Variants in REEP5 observed in about 807,000 individuals in gnomAD.
The protein encoded by REEP5 is receptor accessory protein 5.
A neutral mutation model predicts 22.4 loss-of-function variants in REEP5; 24 were observed. The observed-to-expected ratio is 1.07, with a 90% CI of 0.78 to 1.51. REEP5 has a LOEUF of 1.51. Ranked by LOEUF, REEP5 falls within the 40% of genes most tolerant of loss-of-function variation. The probability of loss-of-function intolerance (pLI) is 0.00; values close to 1 mark genes in which losing one functional copy is unlikely to be tolerated. For missense variants in REEP5, 252 were observed against 233.0 expected, an observed-to-expected ratio of 1.08 and a Z score of -0.53; for synonymous variants, 103 against 88.6, an observed-to-expected ratio of 1.16 and a Z score of -0.92.
At chr5:112,891,769 A>C in intron 3 of REEP5, 1 of 1,613,874 alleles carries the variant, frequency 6.2e-7, no homozygotes, top group East Asian at 2.2e-5. Context: ...TGCTCGACTG[A>C]GAGACTCAGG....
intron 3 of REEP5, chr5:112,891,754 G>C (rs773520400): frequency 1.2e-6 from 2 of 1,613,998 alleles, no homozygotes; most frequent in African/African-American, 2.7e-5. Flanking sequence ...ACGTCGGCAG[G>C]AACTTGCTCG....
At chr5:112,896,036 G>A (rs1317056979) in intron 3 of REEP5, 1 of 152,616 alleles carries the variant, frequency 6.6e-6, no homozygotes, top group Non-Finnish European at 1.5e-5. Context: ...TCCCCCAGAA[G>A]AGATATTTCC....
intron 3 of REEP5, among the ~76,000 whole-genome samples, chr5:112,888,558 TGAC>T (rs778852151): frequency 0.021 from 3,093 of 149,112 alleles, 111 homozygotes; most frequent in East Asian, 0.1. Flanking sequence ...TAGCTGGGAA[TGAC>T]TGCAGGCATG....
chr5:112,900,266 T>C (rs1642222143), intron 3 of REEP5, among the ~76,000 whole-genome samples: 1 of 152,252 alleles, frequency 6.6e-6, no homozygotes, highest in South Asian at 2.1e-4. Flanking sequence ...TAAATCTATC[T>C]TCCTAGTCTG....
chr5:112,898,585 T>G (rs1010764357), intron 3 of REEP5, among the ~76,000 whole-genome samples: 6 of 152,176 alleles, frequency 3.9e-5, no homozygotes, highest in Non-Finnish European at 8.8e-5. Flanking sequence ...TGCTCACATT[T>G]GGAAGTCTGA....
At position 112,892,616 on chromosome 5, in the gene REEP5, C is replaced by G. The variant is rs539002159; in HGVS notation, c.352-5433G>C. On this transcript the variant is annotated intron_variant, in intron 3 of 4. Transcript: ENST00000379638. Reference sequence around the variant, plus strand: ...GGTTTATTTGAAATACAACAATGTCCAAGAGGAAAACACTGCAACTTTCTT... The same window carrying G: ...GGTTTATTTGAAATACAACAATGTCGAAGAGGAAAACACTGCAACTTTCTT... 11 of 1,614,076 alleles carry G rather than the reference C, an allele frequency of 6.8e-6. No homozygotes were observed. In the African/African-American group the frequency reaches 1.2e-4, roughly 18 times the overall value.
intron 2 of REEP5, among the ~76,000 whole-genome samples, chr5:112,902,774 C>A (rs990303122): frequency 3.9e-5 from 6 of 152,134 alleles, no homozygotes; most frequent in Non-Finnish European, 1.5e-5. Flanking sequence ...GGATCTCCAC[C>A]CTGCCAAAGC....
rs763106827 is a variant in REEP5 at position 112,893,028 on chromosome 5, G to C, written c.352-5845C>G. 3 of 1,522,484 alleles carry C rather than the reference G, an allele frequency of 2.0e-6. No homozygotes were observed. The South Asian group carries it at 3.4e-5, about 17-fold the overall frequency. 94.3% of individuals were successfully genotyped at this position (1,522,484 alleles called of 1,614,324 possible). Reference sequence around the variant, plus strand: ...CCTCTAGGTGCCGAAGTCGTGGGAGGAGGAAGTCGGGTAATAGAGACAGAA... The same window carrying C: ...CCTCTAGGTGCCGAAGTCGTGGGAGCAGGAAGTCGGGTAATAGAGACAGAA... On this transcript the variant is annotated intron_variant, in intron 3 of 4. Transcript: ENST00000379638.
intron 2 of REEP5, among the ~76,000 whole-genome samples, 195 bp from the exon 3 acceptor site, chr5:112,902,713 G>A (rs774873901): frequency 1.3e-5 from 2 of 152,086 alleles, no homozygotes; most frequent in Non-Finnish European, 2.9e-5. Flanking sequence ...ATAACCACTT[G>A]TTTCTAGTCT....
At chr5:112,921,802 G>T in intron 1 of REEP5, 1 of 329,540 alleles carries the variant, frequency 3.0e-6, no homozygotes, top group South Asian at 4.4e-5. Context: ...CGGGCCGCGG[G>T]GCAGACATAC....
chr5:112,909,207 A>C (rs909029933), intron 2 of REEP5, among the ~76,000 whole-genome samples: 8 of 146,622 alleles, frequency 5.5e-5, no homozygotes, highest in African/African-American at 2.0e-4. Flanking sequence ...AAGTTATCCA[A>C]TCTCTCTGAG....
At chr5:112,919,934 T>C (rs1264906144) in intron 2 of REEP5, among the ~76,000 whole-genome samples, 1 of 152,212 alleles carries the variant, frequency 6.6e-6, no homozygotes, top group Non-Finnish European at 1.5e-5. Flanking sequence ...TTTTGGACAA[T>C]TATACAATCA....
At position 112,911,617 on chromosome 5, in the gene REEP5, T is replaced by C. The variant is rs561297490; in HGVS notation, c.213-9099A>G. ...TTCTTACCATGCAAAATAGATCAAA[T>C]GCTTTTTTATATGTGAACTGTACAA... On this transcript the variant is annotated intron_variant, in intron 2 of 4. Transcript: ENST00000379638. Among the ~76,000 whole-genome samples the C allele has an allele frequency of 7.9e-5, 12 of 152,360 alleles. No homozygotes were observed. In the East Asian group the frequency reaches 2.1e-3, roughly 27 times the overall value.
At position 112,887,200 on chromosome 5, in the gene REEP5, C is replaced by A; in HGVS notation, c.352-17G>T. 2 of 1,560,462 alleles carry A rather than the reference C, an allele frequency of 1.3e-6. No individual in the cohort carries two copies. Among genetic ancestry groups the A allele is most frequent in the Non-Finnish European group, 1.7e-6 (2 of 1,144,298 alleles). ...GAAGCCACACTGCACAGAAAAAGAG[C>A]CAGCATGGGTAACAGGAGGGTGGAG... On this transcript the variant is annotated splice_polypyrimidine_tract_variant and intron_variant, in intron 3 of 4. Transcript: ENST00000379638.
intron 3 of REEP5, among the ~76,000 whole-genome samples, chr5:112,899,262 G>GTT (rs35060737): frequency 6.9e-5 from 10 of 144,584 alleles, no homozygotes; most frequent in African/African-American, 2.3e-4. Flanking sequence ...TTGGTTTTCG[G>GTT]TTTTTTTTTT....
At chr5:112,880,334 T>C (rs1431274754) in intron 4 of REEP5, among the ~76,000 whole-genome samples, 2 of 152,204 alleles carry the variant, frequency 1.3e-5, no homozygotes, top group Admixed American at 6.5e-5. Flanking sequence ...GGGAATGTGC[T>C]ATGAGAACCA....
intron 3 of REEP5, chr5:112,891,877 T>A: frequency 7.1e-7 from 1 of 1,415,014 alleles, no homozygotes; most frequent in Non-Finnish European, 1.0e-6. Flanking sequence ...ACATGAGGAG[T>A]GGTTGCTGAG....
At chr5:112,908,669 G>A (rs1769021786) in intron 2 of REEP5, among the ~76,000 whole-genome samples, 2 of 151,982 alleles carry the variant, frequency 1.3e-5, no homozygotes, top group Non-Finnish European at 1.5e-5. Context: ...GGGACTACAG[G>A]TGCCCACGAC....
intron 3 of REEP5, chr5:112,898,206 ACT>A (rs1156974456): frequency 6.6e-6 from 1 of 152,178 alleles, no homozygotes; most frequent in Admixed American, 6.6e-5. Flanking sequence ...TACAGACGAG[ACT>A]CTGCAATTCA....
Sources: allele counts gnomAD v4.1 joint callset (sites outside exome capture counted in the v4.1 genomes callset), GRCh38; gene constraint gnomAD v4.1.1; transcripts MANE v1.5; gene names NCBI Gene and HGNC (gene_info 2026-07-23, HGNC 2026-07-21).